Variants in MACROD2 observed in about 807,000 individuals in gnomAD.
MACROD2 encodes ADP-ribose glycohydrolase MACROD2.
In MACROD2, 36 loss-of-function variants were observed where a neutral mutation model predicts 70.4. The ratio of observed to expected loss-of-function variants is 0.51; its 90% CI spans 0.39 to 0.68. The LOEUF (loss-of-function observed/expected upper bound fraction) is 0.68. Among genes scored for constraint, MACROD2 ranks in the 30% least tolerant of loss-of-function variants. The probability of loss-of-function intolerance (pLI) is 0.00; values close to 1 mark genes in which losing one functional copy is unlikely to be tolerated. For synonymous variants in MACROD2, 172 were observed against 178.8 expected (o/e 0.96, Z 0.30); for missense variants, 496 against 538.4 (o/e 0.92, Z 0.78).
At chr20:14,093,227 G>T (rs947270374) in intron 3 of MACROD2, among the ~76,000 whole-genome samples, 6 of 151,784 alleles carry the variant, frequency 4.0e-5, no homozygotes, top group Admixed American at 6.6e-5. Context: ...CTACAAGCAC[G>T]TGCCACCATG....
At chr20:14,528,011 T>C (rs1200129342) in intron 4 of MACROD2, among the ~76,000 whole-genome samples, 1 of 152,170 alleles carries the variant, frequency 6.6e-6, no homozygotes, top group Non-Finnish European at 1.5e-5. Flanking sequence ...AAGTCCATCC[T>C]CAATAGCCAT....
chr20:14,499,849 A>G (rs1481319609), intron 4 of MACROD2, among the ~76,000 whole-genome samples: 1 of 151,838 alleles, frequency 6.6e-6, no homozygotes, highest in Non-Finnish European at 1.5e-5. Context: ...AACAGCAACT[A>G]TTGATTACTT....
At chr20:14,823,747 C>T (rs1047359344) in intron 5 of MACROD2, among the ~76,000 whole-genome samples, 6 of 152,046 alleles carry the variant, frequency 3.9e-5, no homozygotes, top group African/African-American at 1.2e-4. Context: ...GTAATACCAT[C>T]CCAAATCCCA....
intron 3 of MACROD2, among the ~76,000 whole-genome samples, chr20:14,212,463 G>A (rs964101852): frequency 9.9e-5 from 15 of 152,090 alleles, no homozygotes; most frequent in Non-Finnish European, 2.1e-4. Context: ...GCCTTAAGAA[G>A]AGATGCCCAG....
chr20:15,100,447 G>C (rs2075863694), intron 5 of MACROD2, among the ~76,000 whole-genome samples: 1 of 152,090 alleles, frequency 6.6e-6, no homozygotes, highest in South Asian at 2.1e-4. Context: ...ACTTTATCTT[G>C]GCTACAAATT....
chr20:14,045,246 G>GT (rs1471419438), intron 2 of MACROD2, among the ~76,000 whole-genome samples: 12 of 152,256 alleles, frequency 7.9e-5, no homozygotes, highest in Non-Finnish European at 1.8e-4. Flanking sequence ...GCAGCGGTGG[G>GT]CTGAAGGGCC....
At chr20:15,044,843 C>T (rs1294665197) in intron 5 of MACROD2, among the ~76,000 whole-genome samples, 9 of 152,128 alleles carry the variant, frequency 5.9e-5, no homozygotes, top group Non-Finnish European at 1.3e-4. Flanking sequence ...TTTATTTCCT[C>T]TTGGGACTCT....
At chr20:14,635,304 C>A (rs1447724900) in intron 4 of MACROD2, among the ~76,000 whole-genome samples, 1 of 152,102 alleles carries the variant, frequency 6.6e-6, no homozygotes, top group Admixed American at 6.5e-5. Flanking sequence ...CTCATCTTGT[C>A]ATGGTTTGGG....
In MACROD2 at chr20:15,737,124, G is replaced by A. The variant is rs183117230; in HGVS notation, c.646-125621G>A. 2.1e-3 allele frequency among the ~76,000 whole-genome samples: 317 copies of A among 152,318 alleles called. 1 individual carries two copies. Among genetic ancestry groups the A allele is most frequent in the Non-Finnish European group, 3.9e-3 (267 of 68,026 alleles). On this transcript the variant is annotated intron_variant, in intron 8 of 17. Transcript: ENST00000684519. ...GAAGTGAGAAAGAAAGAAGAAACTA[G>A]TATGAATCCAACTATTCAAGGCTTG...
chr20:15,474,587 T>G (rs1217146992), intron 7 of MACROD2, among the ~76,000 whole-genome samples: 1 of 152,172 alleles, frequency 6.6e-6, no homozygotes, highest in Non-Finnish European at 1.5e-5. Flanking sequence ...AGATTAAAAA[T>G]GAGCAATCGG....
intron 3 of MACROD2, among the ~76,000 whole-genome samples, chr20:14,187,108 A>C (rs2081351226): frequency 6.6e-6 from 1 of 151,052 alleles, no homozygotes; most frequent in South Asian, 2.1e-4. Context: ...CTAAACTAAA[A>C]GTTGAGAAAG....
chr20:15,591,643 A>C (rs1239882022), intron 8 of MACROD2, among the ~76,000 whole-genome samples: 6 of 150,196 alleles, frequency 4.0e-5, no homozygotes, highest in Non-Finnish European at 7.4e-5. Flanking sequence ...CTGTTGAGTA[A>C]ATTCATGATT....
At chr20:15,408,170 G>A (rs975653426) in intron 6 of MACROD2, among the ~76,000 whole-genome samples, 3 of 152,272 alleles carry the variant, frequency 2.0e-5, no homozygotes, top group African/African-American at 7.2e-5. Context: ...TTTTTAAGGG[G>A]AATAAAATAA....
intron 15 of MACROD2, among the ~76,000 whole-genome samples, chr20:16,021,892 T>A (rs1456877340): frequency 1.3e-5 from 2 of 152,182 alleles, no homozygotes; most frequent in Non-Finnish European, 2.9e-5. Flanking sequence ...CAACAAAATA[T>A]AAGCATTGAA....
chr20:14,725,043 G>A (rs1311303819), intron 5 of MACROD2, among the ~76,000 whole-genome samples: 1 of 152,098 alleles, frequency 6.6e-6, no homozygotes, highest in Non-Finnish European at 1.5e-5. Flanking sequence ...ATGTTTTGGG[G>A]GTGAAGTCAA....
chr20:15,905,182 G>A (rs1043012291), intron 10 of MACROD2, among the ~76,000 whole-genome samples: 3 of 152,136 alleles, frequency 2.0e-5, no homozygotes, highest in Non-Finnish European at 4.4e-5. Context: ...ACAGAATCAT[G>A]GCTTTTAATG....
intron 5 of MACROD2, among the ~76,000 whole-genome samples, chr20:14,986,845 T>C (rs564736681): frequency 6.6e-6 from 1 of 152,278 alleles, no homozygotes; most frequent in East Asian, 1.9e-4. Flanking sequence ...TCAATCCTTG[T>C]TCAAAGGCAA....
intron 6 of MACROD2, among the ~76,000 whole-genome samples, chr20:15,407,150 G>A (rs1161387609): frequency 2.0e-5 from 3 of 152,136 alleles, no homozygotes; most frequent in Non-Finnish European, 2.9e-5. Flanking sequence ...GTTACTACCC[G>A]GCTTTTTCAC....
At chr20:14,789,560 C>A (rs1377989629) in intron 5 of MACROD2, among the ~76,000 whole-genome samples, 1 of 142,730 alleles carries the variant, frequency 7.0e-6, no homozygotes, top group African/African-American at 2.6e-5. Flanking sequence ...ACTGCAACCT[C>A]CGCCTCCCAG....
Sources: allele counts gnomAD v4.1 joint callset (sites outside exome capture counted in the v4.1 genomes callset), GRCh38; gene constraint gnomAD v4.1.1; transcripts MANE v1.5; gene names NCBI Gene and HGNC (gene_info 2026-07-23, HGNC 2026-07-21).